The following ADAM18 variants were observed in gnomAD, a reference collection of about 807,000 sequenced individuals.
ADAM18 encodes disintegrin and metalloproteinase domain-containing protein 18.
In ADAM18, 117 loss-of-function variants were observed where a neutral mutation model predicts 94.4. That is an observed-to-expected ratio of 1.24 (90% CI 1.07 to 1.45). The LOEUF (loss-of-function observed/expected upper bound fraction) is 1.45. Ranked by LOEUF, ADAM18 falls within the 40% of genes most tolerant of loss-of-function variation. ADAM18 has a pLI of 0.00. For synonymous variants in ADAM18, 327 were observed against 291.6 expected, an observed-to-expected ratio of 1.12 and a Z score of -1.24; for missense variants, 936 against 880.0, an observed-to-expected ratio of 1.06 and a Z score of -0.81.
chr8:39,617,578 G>T (rs1819480567), intron 6 of ADAM18, among the ~76,000 whole-genome samples: 1 of 152,054 alleles, frequency 6.6e-6, no homozygotes, highest in Non-Finnish European at 1.5e-5. Context: ...CAAAGACATA[G>T]TATCAATCTA....
chr8:39,647,181 C>CG (rs1289001470), intron 11 of ADAM18, among the ~76,000 whole-genome samples: 2 of 149,590 alleles, frequency 1.3e-5, no homozygotes, highest in Non-Finnish European at 3.0e-5. Flanking sequence ...TTTTCATTAT[C>CG]TCAGCAAGAG....
intron 16 of ADAM18, among the ~76,000 whole-genome samples, chr8:39,690,490 T>C (rs887258799): frequency 4.6e-5 from 7 of 152,160 alleles, no homozygotes; most frequent in Admixed American, 3.9e-4. Context: ...AATTTTATAA[T>C]CTTCATATGG....
chr8:39,729,521 G>GT (rs1443379221), intron 19 of ADAM18, among the ~76,000 whole-genome samples: 1 of 151,988 alleles, frequency 6.6e-6, no homozygotes, highest in Non-Finnish European at 1.5e-5. Context: ...TAAGCTGTAG[G>GT]TTTTTCTAAG....
chr8:39,654,734 A>G (rs987067073), intron 12 of ADAM18, among the ~76,000 whole-genome samples: 2 of 152,172 alleles, frequency 1.3e-5, no homozygotes, highest in Non-Finnish European at 2.9e-5. Flanking sequence ...GATAATAGCC[A>G]TTCTAACTAG....
chr8:39,609,370 T>C, intron 4 of ADAM18, 115 bp from the exon 5 acceptor site: 1 of 733,726 alleles, frequency 1.4e-6, no homozygotes, highest in Non-Finnish European at 2.2e-6. Context: ...TATGCATTAA[T>C]AATTAATGAT....
chr8:39,661,154 CTTT>C (rs34697066), intron 12 of ADAM18, among the ~76,000 whole-genome samples: 4 of 116,782 alleles, frequency 3.4e-5, no homozygotes, highest in African/African-American at 3.3e-5. Flanking sequence ...TCTTCTTCTT[CTTT>C]TTTTTTTTTT....
At position 39,705,328 on chromosome 8, in the gene ADAM18, G is replaced by T. The variant is rs1159622324; in HGVS notation, c.1903-1462G>T. On this transcript the variant is annotated intron_variant, in intron 17 of 19. Transcript: ENST00000265707. ...CTTTTGTTAAAGTTGCTTTGCTCTGGCTGTTTCTTTTAAAGTTAGCAAAAT... is the reference window on the plus strand; with the variant it reads ...CTTTTGTTAAAGTTGCTTTGCTCTGTCTGTTTCTTTTAAAGTTAGCAAAAT... Among the ~76,000 whole-genome samples the T allele has an allele frequency of 4.6e-5, 7 of 151,966 alleles. No individual in the cohort carries two copies. In the East Asian group the frequency reaches 5.8e-4, roughly 13 times the overall value.
At chr8:39,656,926 A>C (rs1052167342) in intron 12 of ADAM18, among the ~76,000 whole-genome samples, 1 of 152,214 alleles carries the variant, frequency 6.6e-6, no homozygotes, top group Non-Finnish European at 1.5e-5. Context: ...GCTATTAGGC[A>C]CTACTGTTGG....
At chr8:39,597,465 G>A (rs780120738) in intron 2 of ADAM18, among the ~76,000 whole-genome samples, 16 of 152,124 alleles carry the variant, frequency 1.1e-4, no homozygotes, top group East Asian at 1.9e-4. Context: ...ATTATGTTAT[G>A]TGTCTAGATT....
At chr8:39,632,038 T>C (rs543429276) in intron 7 of ADAM18, among the ~76,000 whole-genome samples, 1 of 152,122 alleles carries the variant, frequency 6.6e-6, no homozygotes, top group South Asian at 2.1e-4. Flanking sequence ...TACTTGTTAA[T>C]TCTTGTGTTT....
At position 39,680,337 on chromosome 8, in the gene ADAM18, G is replaced by A. The variant is rs537760037; in HGVS notation, c.1821+111G>A. On this transcript the variant is annotated intron_variant, in intron 16 of 19. Transcript: ENST00000265707. ...TATTGAATGGATTTAAACTTGTGCTGGCATTTATTTCCCATGTGATATTTA... is the reference window on the plus strand; with the variant it reads ...TATTGAATGGATTTAAACTTGTGCTAGCATTTATTTCCCATGTGATATTTA... 2,799 of 1,018,648 alleles carry A rather than the reference G, an allele frequency of 2.7e-3. 11 individuals carry two copies. The highest frequency in any genetic ancestry group is 3.5e-3 in the Non-Finnish European group (2,568 of 725,436). 63.1% of individuals were successfully genotyped at this position (1,018,648 alleles called of 1,614,324 possible).
intron 6 of ADAM18, among the ~76,000 whole-genome samples, chr8:39,612,577 G>A (rs373060066): frequency 2.0e-5 from 3 of 152,196 alleles, no homozygotes; most frequent in African/African-American, 7.2e-5. Flanking sequence ...AAAGCCAGGA[G>A]CGCTCATACC....
intron 2 of ADAM18, among the ~76,000 whole-genome samples, chr8:39,590,288 A>C (rs1818532896): frequency 6.6e-6 from 1 of 152,120 alleles, no homozygotes; most frequent in African/African-American, 2.4e-5. Flanking sequence ...CTTTGTGGGG[A>C]CATGGATGAA....
chr8:39,729,750 A>G (rs1823021793), intron 19 of ADAM18, 148 bp from the exon 20 acceptor site: 1 of 615,490 alleles, frequency 1.6e-6, no homozygotes, highest in Non-Finnish European at 2.8e-6. Context: ...AACATCTATA[A>G]TATAGATAAC....
chr8:39,674,613 C>T (rs998565232), intron 14 of ADAM18, among the ~76,000 whole-genome samples: 12 of 152,084 alleles, frequency 7.9e-5, no homozygotes, highest in Non-Finnish European at 1.5e-4. Flanking sequence ...GGGCATTTAG[C>T]CCATTTACAT....
intron 7 of ADAM18, among the ~76,000 whole-genome samples, chr8:39,635,750 C>T (rs1038434467): frequency 6.6e-6 from 1 of 152,032 alleles, no homozygotes; most frequent in Non-Finnish European, 1.5e-5. Flanking sequence ...TTGGAGAATA[C>T]GTGCCAGTTA....
intron 2 of ADAM18, chr8:39,605,687 AT>A (rs1363569653): frequency 4.4e-6 from 1 of 228,066 alleles, no homozygotes; most frequent in Non-Finnish European, 8.9e-6. Flanking sequence ...TTTTTTAAAA[AT>A]GTACTTTTCA....
intron 19 of ADAM18, among the ~76,000 whole-genome samples, chr8:39,724,163 A>G (rs1822836985): frequency 2.0e-5 from 3 of 151,748 alleles, no homozygotes; most frequent in Admixed American, 2.0e-4. Flanking sequence ...AAAAGAATAT[A>G]GTTGGTAAAT....
chr8:39,644,822 A>G (rs529706257), intron 10 of ADAM18, among the ~76,000 whole-genome samples: 6 of 152,234 alleles, frequency 3.9e-5, no homozygotes, highest in African/African-American at 1.4e-4. Context: ...AAAATTTTCT[A>G]TTGGAGTACT....
Sources: gnomAD v4.1 joint callset for allele counts (sites outside exome capture counted in the v4.1 genomes callset) on GRCh38, gnomAD v4.1.1 for gene constraint, MANE v1.5 for transcripts, NCBI Gene and HGNC (gene_info 2026-07-23, HGNC 2026-07-21) for gene names.